Variants in KHDC1 observed in about 807,000 individuals in gnomAD.
The protein encoded by KHDC1 is KH homology domain-containing protein 1.
KHDC1 carries 21 observed loss-of-function variants against 24.7 expected under a neutral mutation model. That is an observed-to-expected ratio of 0.85 (90% confidence interval 0.60 to 1.23). The LOEUF is 1.23. KHDC1 is among the 50% of genes most tolerant of loss of function. The pLI, the probability that KHDC1 is intolerant of heterozygous loss-of-function variation, is 0.00. For synonymous variants in KHDC1, 98 were observed against 111.7 expected (o/e 0.88, Z 0.77); for missense variants, 274 against 298.5 (o/e 0.92, Z 0.61).
At chr6:73,289,134 G>A (rs1177299929) in intron 2 of KHDC1, among the ~76,000 whole-genome samples, 1 of 151,758 alleles carries the variant, frequency 6.6e-6, no homozygotes, top group East Asian at 1.9e-4. Context: ...AGGAGTTCAA[G>A]ACTAGCCTGG....
chr6:73,263,278 C>G (rs1448139906), intron 2 of KHDC1, 82 bp from the exon 1 acceptor site: 1 of 985,562 alleles, frequency 1.0e-6, no homozygotes, highest in Non-Finnish European at 1.2e-6. Flanking sequence ...GTGTAGGAGA[C>G]AGCCTGCGGA....
chr6:73,253,887 C>T (rs1766829056), intron 2 of KHDC1, among the ~76,000 whole-genome samples: 3 of 152,120 alleles, frequency 2.0e-5, no homozygotes. Flanking sequence ...GCTTGGGTGG[C>T]AGAGTGAGGC....
Position 73,309,941 on chromosome 6 carries a change from G to A in KHDC1, c.-227C>T, listed in dbSNP as rs967189122. ...GCGAGAAGTGGGCACGGGACCACAT[G>A]CGGCTGGCAAGACGTCCCAGGGCTC... On this transcript the variant is annotated 5_prime_UTR_variant, in exon 1 of 5. Coordinates refer to ENST00000370384, the Ensembl canonical transcript of KHDC1. 3.8e-4 allele frequency: 191 copies of A among 503,562 alleles called. 2 individuals are homozygous for A. The highest frequency in any genetic ancestry group is 5.5e-4 in the Non-Finnish European group (159 of 289,068). The allele number at this position is 503,562 out of a possible 1,614,324, so 31.2% of individuals were successfully genotyped here.
chr6:73,275,814 C>T (rs1767280474), intron 2 of KHDC1: 1 of 152,486 alleles, frequency 6.6e-6, no homozygotes, highest in South Asian at 2.1e-4. Flanking sequence ...GTTCAAGGTC[C>T]TGCTCCATAT....
chr6:73,303,191 T>C (rs191993042), intron 1 of KHDC1, among the ~76,000 whole-genome samples: 2 of 152,300 alleles, frequency 1.3e-5, no homozygotes, highest in Admixed American at 1.3e-4. Context: ...TCTCATGCTT[T>C]CACCTATGTG....
At chr6:73,293,352 C>A in intron 1 of KHDC1, 1 of 469,784 alleles carries the variant, frequency 2.1e-6, no homozygotes, top group Non-Finnish European at 4.0e-6. Context: ...TAAAGGGTGA[C>A]TTACATTTTG....
At chr6:73,265,528 C>CAAAAAAAAAAAAAAAA (rs70994179) in intron 2 of KHDC1, among the ~76,000 whole-genome samples, 1 of 74,502 alleles carries the variant, frequency 1.3e-5, no homozygotes, top group African/African-American at 5.1e-5. Context: ...GACTCCGTCT[C>CAAAAAAAAAAAAAAAA]AAAAAAAAAA....
chr6:73,261,614 A>T (rs1174258319), intron 2 of KHDC1, among the ~76,000 whole-genome samples: 1 of 151,364 alleles, frequency 6.6e-6, no homozygotes, highest in Non-Finnish European at 1.5e-5. Flanking sequence ...TATAAAAAAA[A>T]TACCAAAAAA....
chr6:73,292,638 A>G, intron 1 of KHDC1: 1 of 757,154 alleles, frequency 1.3e-6, no homozygotes, highest in South Asian at 1.4e-5. Context: ...ATCACCCCAA[A>G]GGTTGTGATA....
chr6:73,284,106 G>A (rs1407104293), intron 2 of KHDC1, among the ~76,000 whole-genome samples: 3 of 152,082 alleles, frequency 2.0e-5, no homozygotes, highest in Non-Finnish European at 4.4e-5. Flanking sequence ...TCTCTAAAAC[G>A]GATCCCCTCC....
intron 2 of KHDC1, among the ~76,000 whole-genome samples, chr6:73,282,190 CCCAAGTGACAGAGTGAGACTCTGT>C (rs1179411182): frequency 7.2e-6 from 1 of 139,086 alleles, no homozygotes; most frequent in African/African-American, 2.7e-5. Context: ...TGCACTCCAG[CCCAAGTGACAGAGTGAGACTCTGT>C]CTAAAAAAAA....
intron 4 of KHDC1, 40 bp downstream of exon 3, chr6:73,242,015 C>T (rs1387582330): frequency 1.3e-6 from 2 of 1,574,628 alleles, no homozygotes; most frequent in East Asian, 4.5e-5. Context: ...CAGAACTCCA[C>T]CACCAAGTCT....
intron 2 of KHDC1, among the ~76,000 whole-genome samples, chr6:73,255,800 G>T (rs1008468554): frequency 6.6e-6 from 1 of 151,288 alleles, no homozygotes; most frequent in Admixed American, 6.6e-5. Context: ...TACTCACGAG[G>T]CTGAGACTGG....
rs965027554 is a variant in KHDC1, at chr6:73,264,585, G to A, written c.207-22055C>T. Among the ~76,000 whole-genome samples, 3 of 152,306 alleles carry A rather than the reference G, an allele frequency of 2.0e-5. No homozygotes were observed. The East Asian group carries it at 5.8e-4, about 29-fold the overall frequency. On this transcript the variant is annotated intron_variant, in intron 2 of 4. Transcript: ENST00000370384. Reference sequence around the variant, plus strand: ...GAGCAGGTATGTGCAGTGCCAGTGCGCAACCAGCAACTGATGGACAGGAAT... The same window carrying A: ...GAGCAGGTATGTGCAGTGCCAGTGCACAACCAGCAACTGATGGACAGGAAT...
chr6:73,251,211 T>C lies in KHDC1; in HGVS notation c.207-8681A>G, dbSNP rs1269614755. On this transcript the variant is annotated intron_variant, in intron 2 of 4. Coordinates refer to ENST00000370384, the Ensembl canonical transcript of KHDC1. ...AAAAAATCCTTACCACTTTATCATG[T>C]AGCGAAAAATAAATAAATAATGAGA... 3.9e-5 allele frequency among the ~76,000 whole-genome samples: 6 copies of C among 152,186 alleles called. No homozygotes were observed. The East Asian group carries it at 1.2e-3, about 29-fold the overall frequency.
chr6:73,285,719 T>C (rs1453743594), intron 2 of KHDC1, among the ~76,000 whole-genome samples: 3 of 151,866 alleles, frequency 2.0e-5, no homozygotes, highest in African/African-American at 7.3e-5. Context: ...TAGTTACATA[T>C]GTATACATGT....
intron 2 of KHDC1, among the ~76,000 whole-genome samples, chr6:73,255,904 C>CAAAAA (rs1205326198): frequency 4.0e-5 from 2 of 49,408 alleles, no homozygotes; most frequent in Non-Finnish European, 4.4e-5. Context: ...CCTGTCTCAA[C>CAAAAA]AAAAAAAAAA....
At chr6:73,253,157 C>T (rs1400596497) in intron 2 of KHDC1, among the ~76,000 whole-genome samples, 5 of 152,152 alleles carry the variant, frequency 3.3e-5, no homozygotes, top group Non-Finnish European at 7.3e-5. Flanking sequence ...ACCAAAAATA[C>T]ACCCACATAT....
rs188827479 is a variant in KHDC1, at chr6:73,295,990, A to C, written c.164-3950T>G. Reference sequence around the variant, plus strand: ...AACCCCATCTCTACTAAAAATACAAAAATTAGCCAGCCATGGTGGCAGGCA... The same window carrying C: ...AACCCCATCTCTACTAAAAATACAACAATTAGCCAGCCATGGTGGCAGGCA... On this transcript the variant is annotated intron_variant, in intron 1 of 4. Coordinates refer to ENST00000370384, the Ensembl canonical transcript of KHDC1. Among the ~76,000 whole-genome samples the C allele has an allele frequency of 4.5e-3, 685 of 150,808 alleles. 1 individual carries two copies. The highest frequency in any genetic ancestry group is 7.4e-3 in the Non-Finnish European group (503 of 67,904).
Sources: allele counts gnomAD v4.1 joint callset (sites outside exome capture counted in the v4.1 genomes callset), GRCh38; gene constraint gnomAD v4.1.1; transcripts MANE v1.5; gene names NCBI Gene and HGNC (gene_info 2026-07-23, HGNC 2026-07-21).